GMEB1: variants seen among roughly 807,000 people sequenced by gnomAD.
The protein encoded by GMEB1 is glucocorticoid modulatory element binding protein 1.
Under a neutral mutation model 52.4 loss-of-function variants are expected in GMEB1, and 6 were observed. The ratio of observed to expected loss-of-function variants is 0.11; its 90% CI spans 0.06 to 0.23. The LOEUF (loss-of-function observed/expected upper bound fraction) is 0.23. Among genes scored for constraint, GMEB1 ranks in the 10% least tolerant of loss-of-function variants. The pLI is 1.00. For missense variants in GMEB1, 486 were observed against 685.6 expected, an observed-to-expected ratio of 0.71 and a Z score of 3.25; for synonymous variants, 255 against 244.9, an observed-to-expected ratio of 1.04 and a Z score of -0.38.
chr1:28,707,560 G>A (rs979114285), intron 8 of GMEB1, among the ~76,000 whole-genome samples: 1 of 152,158 alleles, frequency 6.6e-6, no homozygotes, highest in Non-Finnish European at 1.5e-5. Context: ...GAGAAAGAAA[G>A]ATACCGGGAT....
intron 1 of GMEB1, among the ~76,000 whole-genome samples, chr1:28,676,736 AAT>A (rs1669168324): frequency 4.0e-5 from 6 of 151,722 alleles, no homozygotes; most frequent in Admixed American, 6.6e-5. Flanking sequence ...AAAAAAAATA[AAT>A]AAATAAATAA....
At chr1:28,680,179 A>G (rs932329977) in intron 1 of GMEB1, among the ~76,000 whole-genome samples, 12 of 152,026 alleles carry the variant, frequency 7.9e-5, no homozygotes, top group African/African-American at 2.6e-4. Context: ...CCAGGAGTTC[A>G]AGACCAGCCT....
chr1:28,704,118 A>G, intron 7 of GMEB1, 74 bp from the exon 8 acceptor site: 1 of 1,270,724 alleles, frequency 7.9e-7, no homozygotes, highest in East Asian at 2.5e-5. Flanking sequence ...TTTTGAATTT[A>G]ACGTTGTAGA....
At chr1:28,693,658 G>T (rs977367376) in intron 5 of GMEB1, among the ~76,000 whole-genome samples, 13 of 151,952 alleles carry the variant, frequency 8.6e-5, no homozygotes, top group Non-Finnish European at 1.8e-4. Context: ...TCACCATCTC[G>T]GCCAGGCTGG....
chr1:28,682,124 T>C (rs1669417677), intron 1 of GMEB1, among the ~76,000 whole-genome samples: 1 of 152,156 alleles, frequency 6.6e-6, no homozygotes, highest in South Asian at 2.1e-4. Context: ...ACCTATACTC[T>C]CTTAAGTGAC....
intron 1 of GMEB1, among the ~76,000 whole-genome samples, chr1:28,676,805 T>A (rs1234560923): frequency 6.6e-6 from 1 of 151,880 alleles, no homozygotes; most frequent in Non-Finnish European, 1.5e-5. Context: ...CCATGGCTCA[T>A]GCCTGTAATC....
At chr1:28,678,108 C>T (rs988925455) in intron 1 of GMEB1, among the ~76,000 whole-genome samples, 8 of 151,014 alleles carry the variant, frequency 5.3e-5, no homozygotes, top group Admixed American at 2.0e-4. Context: ...TGCTTGAACC[C>T]GAGAGGTGGA....
intron 1 of GMEB1, among the ~76,000 whole-genome samples, chr1:28,679,571 A>G (rs1466319542): frequency 6.6e-6 from 1 of 152,070 alleles, no homozygotes; most frequent in African/African-American, 2.4e-5. Flanking sequence ...CAATAGTGTC[A>G]TGTATCTCTT....
chr1:28,689,228 G>A (rs530380160), intron 2 of GMEB1, among the ~76,000 whole-genome samples: 8 of 152,000 alleles, frequency 5.3e-5, no homozygotes, highest in African/African-American at 1.9e-4. Context: ...GTTTCACCAC[G>A]TTGGCCAGGC....
chr1:28,706,157 A>AAAATAAAT (rs144208028), intron 8 of GMEB1, among the ~76,000 whole-genome samples: 3 of 150,002 alleles, frequency 2.0e-5, no homozygotes, highest in East Asian at 4.1e-4. Context: ...CTCCATCTCA[A>AAAATAAAT]AAATAAATAA....
In GMEB1 at chr1:28,718,643, T is replaced by G. The variant is rs753550100; in HGVS notation, c.*3870T>G. 1.3e-5 allele frequency: 2 copies of G among 152,212 alleles called. No individual in the cohort carries two copies. The highest frequency in any genetic ancestry group is 2.4e-5 in the African/African-American group (1 of 41,454). 9.4% of individuals were successfully genotyped at this position (152,212 alleles called of 1,614,324 possible). On this transcript the variant is annotated 3_prime_UTR_variant, in exon 10 of 10. Transcript: ENST00000373816. Reference sequence around the variant, plus strand: ...ACATTTCATTATAATTGTTTTTTTTTGTAATTTTATGTATTTTATGCATTG... The same window carrying G: ...ACATTTCATTATAATTGTTTTTTTTGGTAATTTTATGTATTTTATGCATTG...
In GMEB1 at chr1:28,702,532, G is replaced by A. The variant is rs1483334161; in HGVS notation, c.693G>A (p.Thr231=). ...SALTAAVTMA[T]EEGVKKDSEE... is the part of the protein sequence containing the mutation. ...TCACCGCTGCTGTCACCATGGCCAC[G>A]GAGGAGGGTGTAAAGAAAGACTCAG... The change falls in exon 7 of 10, where the codon ACG becomes ACA. Residue 231 remains threonine, a synonymous_variant. Transcript: ENST00000373816. 3.7e-6 allele frequency: 6 copies of A among 1,613,618 alleles called. No individual in the cohort carries two copies. The highest frequency in any genetic ancestry group is 2.2e-5 in the South Asian group (2 of 91,078).
chr1:28,676,650 C>T (rs1054428147), intron 1 of GMEB1, among the ~76,000 whole-genome samples: 12 of 151,330 alleles, frequency 7.9e-5, no homozygotes, highest in East Asian at 7.8e-4. Flanking sequence ...GGCATGAACC[C>T]GGAGGCGGAG....
At chr1:28,688,892 G>GTTTTTTTT (rs1324852304) in intron 2 of GMEB1, among the ~76,000 whole-genome samples, 4 of 97,214 alleles carry the variant, frequency 4.1e-5, no homozygotes, top group Non-Finnish European at 4.2e-5. Context: ...GGCATTTAAA[G>GTTTTTTTT]TTTTTTTTTT....
chr1:28,714,047 A>C (rs753638743), intron 9 of GMEB1, 26 bp from the exon 10 acceptor site: 5 of 1,560,086 alleles, frequency 3.2e-6, no homozygotes, highest in Admixed American at 3.5e-5. Flanking sequence ...TTCCCTCTAC[A>C]CAAAGTCTTT....
chr1:28,712,291 A>G (rs1358464070), intron 9 of GMEB1, among the ~76,000 whole-genome samples: 1 of 152,158 alleles, frequency 6.6e-6, no homozygotes, highest in Non-Finnish European at 1.5e-5. Context: ...ACCTCCAACA[A>G]TCTGAAGCTC....
In GMEB1 at chr1:28,719,080, C is replaced by T. The variant is rs1007076524; in HGVS notation, c.*4307C>T. On this transcript the variant is annotated 3_prime_UTR_variant, in exon 10 of 10. Transcript: ENST00000373816. ...AGAACGCTGAGTCATGCATGGGCTT[C>T]TCCAAGTTTCCATCAGATGGGATCC... is the stretch of plus-strand genomic sequence containing the variant. 1 of 152,228 alleles carries T rather than the reference C, an allele frequency of 6.6e-6. No individual in the cohort carries two copies. The highest frequency in any genetic ancestry group is 2.4e-5 in the African/African-American group (1 of 41,458). The allele number at this position is 152,228 out of a possible 1,614,324, so 9.4% of individuals were successfully genotyped here. A position where few individuals can be genotyped will look rare whatever the true frequency, so the allele number is the denominator to read the frequency against.
intron 2 of GMEB1, 197 bp from the exon 3 acceptor site, chr1:28,689,907 A>G: frequency 2.1e-6 from 1 of 474,956 alleles, no homozygotes; most frequent in Non-Finnish European, 3.7e-6. Context: ...TTGTGGATTC[A>G]TTTTCATGGT....
intron 1 of GMEB1, among the ~76,000 whole-genome samples, chr1:28,680,422 T>A (rs940938723): frequency 6.6e-6 from 1 of 151,950 alleles, no homozygotes; most frequent in Non-Finnish European, 1.5e-5. Context: ...TGTGGTAGCC[T>A]TGGGGGAATT....
Sources: allele counts gnomAD v4.1 joint callset (sites outside exome capture counted in the v4.1 genomes callset), GRCh38; gene constraint gnomAD v4.1.1; transcripts MANE v1.5; gene names NCBI Gene and HGNC (gene_info 2026-07-23, HGNC 2026-07-21).